The following WWC1 variants were observed in gnomAD, a reference collection of about 807,000 sequenced individuals.
The protein encoded by WWC1 is protein KIBRA.
A neutral mutation model predicts 138.4 loss-of-function variants in WWC1; 55 were observed. That is an observed-to-expected ratio of 0.40 (90% CI 0.32 to 0.50). WWC1 has a LOEUF of 0.50. WWC1 is among the 20% of genes least tolerant of loss of function. The pLI is 0.72. For missense variants in WWC1, 1,226 were observed against 1,420.4 expected (o/e 0.86, Z 2.20); for synonymous variants, 524 against 564.9 (o/e 0.93, Z 1.03).
intron 1 of WWC1, among the ~76,000 whole-genome samples, chr5:168,302,430 G>T (rs148256474): frequency 6.6e-6 from 1 of 152,126 alleles, no homozygotes; most frequent in South Asian, 2.1e-4. Context: ...TAGATAAATC[G>T]CATTATGACT....
chr5:168,392,599 A>G (rs1778587810), intron 3 of WWC1, among the ~76,000 whole-genome samples: 1 of 152,216 alleles, frequency 6.6e-6, no homozygotes, highest in Admixed American at 6.5e-5. Flanking sequence ...AGGCTGAGGC[A>G]GGAGGATTCC....
chr5:168,371,585 C>T, intron 2 of WWC1, 52 bp downstream of exon 2: 1 of 1,310,476 alleles, frequency 7.6e-7, no homozygotes, highest in South Asian at 1.2e-5. Flanking sequence ...CCCTCCACCT[C>T]CAAGCCCATC....
chr5:168,397,453 A>G (rs1778985741), intron 3 of WWC1, among the ~76,000 whole-genome samples: 1 of 152,034 alleles, frequency 6.6e-6, no homozygotes, highest in South Asian at 2.1e-4. Context: ...CCAAATTTAA[A>G]TTATTCTTTA....
intron 1 of WWC1, among the ~76,000 whole-genome samples, chr5:168,329,057 T>C (rs1045135582): frequency 5.3e-5 from 8 of 152,226 alleles, no homozygotes; most frequent in Non-Finnish European, 1.0e-4. Context: ...CTTTCTGTCC[T>C]GATAAGTTGG....
intron 1 of WWC1, among the ~76,000 whole-genome samples, chr5:168,331,628 A>G (rs1006217720): frequency 1.3e-5 from 2 of 152,216 alleles, no homozygotes; most frequent in South Asian, 2.1e-4. Context: ...GGCCATTGCT[A>G]TCGTTGCTTG....
chr5:168,460,921 C>T (rs1299308169), intron 20 of WWC1, among the ~76,000 whole-genome samples, 179 bp downstream of exon 20: 1 of 152,120 alleles, frequency 6.6e-6, no homozygotes, highest in African/African-American at 2.4e-5. Flanking sequence ...CCTGTGTAGC[C>T]ACAGGGGAAG....
chr5:168,307,366 G>A (rs142505912), intron 1 of WWC1, among the ~76,000 whole-genome samples: 46 of 152,266 alleles, frequency 3.0e-4, no homozygotes, highest in Non-Finnish European at 3.8e-4. Context: ...AGACTAGAGC[G>A]TCTTTCACTG....
chr5:168,421,918 C>G (rs1298265030), intron 9 of WWC1, 90 bp from the exon 10 acceptor site: 9 of 1,099,126 alleles, frequency 8.2e-6, no homozygotes, highest in Non-Finnish European at 1.2e-5. Flanking sequence ...ACGGAAAGTT[C>G]TTGTGCCTGT....
chr5:168,454,781 C>T (rs1333667850), intron 18 of WWC1, among the ~76,000 whole-genome samples: 2 of 152,188 alleles, frequency 1.3e-5, no homozygotes. Flanking sequence ...GTGGGCGTGC[C>T]CTTTCTTAAA....
intron 11 of WWC1, among the ~76,000 whole-genome samples, chr5:168,425,330 C>T (rs1343654901): frequency 6.6e-6 from 1 of 152,274 alleles, no homozygotes; most frequent in East Asian, 1.9e-4. Context: ...GCTCAGTAAA[C>T]TCACCTGGGC....
intron 2 of WWC1, among the ~76,000 whole-genome samples, chr5:168,381,989 T>G (rs1777670192): frequency 6.6e-6 from 1 of 152,136 alleles, no homozygotes; most frequent in Non-Finnish European, 1.5e-5. Context: ...TCTAGTAGTT[T>G]CTCTTTAAGA....
chr5:168,455,371 A>G lies in WWC1; in HGVS notation c.2674A>G (p.Asn892Asp). The G allele has an allele frequency of 6.3e-7, 1 of 1,578,870 alleles. No individual in the cohort carries two copies. Among genetic ancestry groups the G allele is most frequent in the East Asian group, 2.4e-5 (1 of 42,366 alleles). The change falls in exon 19 of 23, where the codon AAC becomes GAC. Residue 892 changes from asparagine (N) to aspartate (D), a missense_variant. By Grantham distance (23) the Asn-to-Asp change is conservative. This residue lies in a region of WWC1 where 1,016 missense variants were observed against 1,153.9 expected (regional missense o/e 0.88). Transcript: ENST00000265293. ...YPALKVDKET[N>D]TETPAPSPTV... is the part of the protein sequence containing the mutation. ...TCTTCCTCAGGTGGACAAAGAGACC[A>G]ACACGGAGACCCCGGCCCCATCCCC...
intron 3 of WWC1, among the ~76,000 whole-genome samples, chr5:168,394,748 G>A (rs553910265): frequency 6.6e-5 from 10 of 152,198 alleles, no homozygotes; most frequent in African/African-American, 1.7e-4. Flanking sequence ...ATAAGTTCTC[G>A]TAGTAGAGGA....
intron 1 of WWC1, among the ~76,000 whole-genome samples, chr5:168,297,376 C>T (rs904176990): frequency 6.6e-6 from 1 of 152,082 alleles, no homozygotes; most frequent in Non-Finnish European, 1.5e-5. Context: ...CCTATAATCC[C>T]AGCACTTTGG....
At chr5:168,367,230 A>G (rs114627433) in intron 1 of WWC1, among the ~76,000 whole-genome samples, 1,775 of 152,300 alleles carry the variant, frequency 0.012, 25 homozygotes, top group African/African-American at 0.041. Context: ...TGCCTGCTTC[A>G]GATGTCCCTC....
At chr5:168,391,674 A>G (rs1778512973) in intron 3 of WWC1, among the ~76,000 whole-genome samples, 1 of 148,054 alleles carries the variant, frequency 6.8e-6, no homozygotes, top group Non-Finnish European at 1.5e-5. Flanking sequence ...AAAAAAAACA[A>G]AAAAACTAAA....
chr5:168,422,432 C>T (rs1781162469), intron 10 of WWC1, among the ~76,000 whole-genome samples: 1 of 152,014 alleles, frequency 6.6e-6, no homozygotes, highest in Non-Finnish European at 1.5e-5. Context: ...AGTTTGAAGC[C>T]AGCCTGAGCA....
At chr5:168,366,624 A>G (rs1776308139) in intron 1 of WWC1, among the ~76,000 whole-genome samples, 2 of 151,978 alleles carry the variant, frequency 1.3e-5, no homozygotes. Flanking sequence ...TGATGCTTGG[A>G]GCGAATAAAT....
chr5:168,357,508 A>T (rs1296540099), intron 1 of WWC1, among the ~76,000 whole-genome samples: 1 of 147,148 alleles, frequency 6.8e-6, no homozygotes, highest in Non-Finnish European at 1.5e-5. Context: ...GCGCGCACGC[A>T]TGCACGTGCG....
Sources: allele counts gnomAD v4.1 joint callset (sites outside exome capture counted in the v4.1 genomes callset), GRCh38; gene constraint gnomAD v4.1.1; regional missense constraint gnomAD v4.1.1; transcripts MANE v1.5; gene names NCBI Gene and HGNC (gene_info 2026-07-23, HGNC 2026-07-21).